DSE: variants seen among roughly 807,000 people sequenced by gnomAD.
The protein encoded by DSE is dermatan-sulfate epimerase.
A neutral mutation model predicts 84.4 loss-of-function variants in DSE; 36 were observed. That is an observed-to-expected ratio of 0.43 (90% CI 0.33 to 0.56). The LOEUF is 0.56. Among genes scored for constraint, DSE ranks in the 20% least tolerant of loss-of-function variants. The pLI, the probability that DSE is intolerant of heterozygous loss-of-function variation, is 0.06. For synonymous variants in DSE, 410 were observed against 430.1 expected (o/e 0.95, Z 0.58); for missense variants, 862 against 1,169.6 (o/e 0.74, Z 3.84).
chr6:116,304,323 T>A (rs2114712850), intron 2 of DSE, among the ~76,000 whole-genome samples: 1 of 151,970 alleles, frequency 6.6e-6, no homozygotes, highest in South Asian at 2.1e-4. Context: ...TCAAATACCT[T>A]TGCATATCTG....
At chr6:116,331,278 G>A (rs1226196233) in intron 2 of DSE, among the ~76,000 whole-genome samples, 1 of 152,082 alleles carries the variant, frequency 6.6e-6, no homozygotes, top group Non-Finnish European at 1.5e-5. Flanking sequence ...ATTTATAAAG[G>A]AAAGAGATTT....
intron 2 of DSE, among the ~76,000 whole-genome samples, chr6:116,263,356 C>A (rs1237115669): frequency 7.4e-6 from 1 of 135,868 alleles, no homozygotes; most frequent in Non-Finnish European, 1.6e-5. Flanking sequence ...TATGTAATGC[C>A]CTTCTTTGTC....
At chr6:116,400,617 G>A (rs1017500585) in intron 2 of DSE, 3 of 152,194 alleles carry the variant, frequency 2.0e-5, no homozygotes, top group Admixed American at 6.5e-5. Flanking sequence ...GTAATGAAAA[G>A]TATTATGCAA....
chr6:116,316,455 A>G (rs762472728), intron 2 of DSE, among the ~76,000 whole-genome samples: 1 of 152,118 alleles, frequency 6.6e-6, no homozygotes, highest in Non-Finnish European at 1.5e-5. Flanking sequence ...TTTCAAGACT[A>G]TACTTCCCTT....
intron 2 of DSE, among the ~76,000 whole-genome samples, chr6:116,407,586 C>T (rs1241728545): frequency 2.6e-5 from 4 of 152,150 alleles, no homozygotes; most frequent in African/African-American, 4.8e-5. Flanking sequence ...CTGTCTTCCA[C>T]TTCTTCTTGT....
intron 2 of DSE, among the ~76,000 whole-genome samples, chr6:116,317,584 G>A (rs549465339): frequency 2.0e-5 from 3 of 152,240 alleles, no homozygotes; most frequent in South Asian, 2.1e-4. Flanking sequence ...AATCTTCTAC[G>A]AAAAGTTTAA....
At chr6:116,368,705 TG>T (rs1779313113), upstream of DSE, among the ~76,000 whole-genome samples, 3 of 152,268 alleles carry the variant, frequency 2.0e-5, no homozygotes, top group Admixed American at 6.5e-5. Flanking sequence ...GTTTGTCACT[TG>T]GGTGAAACCT....
chr6:116,261,156 C>T (rs1772396280), intron 2 of DSE, among the ~76,000 whole-genome samples: 1 of 152,020 alleles, frequency 6.6e-6, no homozygotes, highest in South Asian at 2.1e-4. Context: ...TTTCTTTGAG[C>T]AGTGTTTTGT....
At chr6:116,338,586 A>G (rs1456934369) in intron 2 of DSE, among the ~76,000 whole-genome samples, 2 of 152,154 alleles carry the variant, frequency 1.3e-5, no homozygotes, top group African/African-American at 2.4e-5. Flanking sequence ...AGAGTTCATT[A>G]TAATTCACAG....
chr6:116,412,674 T>A, intron 2 of DSE: 1 of 152,360 alleles, frequency 6.6e-6, no homozygotes, highest in South Asian at 2.1e-4. Context: ...AATTTTATTT[T>A]TGTTTCTAAT....
Position 116,399,633 on chromosome 6 carries a change from A to G in DSE, c.383A>G (p.Asp128Gly). The G allele has an allele frequency of 6.2e-7, 1 of 1,614,176 alleles. No individual in the cohort carries two copies. The highest frequency in any genetic ancestry group is 8.5e-7 in the Non-Finnish European group (1 of 1,180,032). ...ENIEARDMAKDYMERMAAQPS... is the reference protein window; with the variant it reads ...ENIEARDMAKGYMERMAAQPS... ...ATTGAAGCCCGAGACATGGCCAAAG[A>G]CTACATGGAGAGGATGGCAGCGCAG... The change falls in exon 2 of 6, where the codon GAC (aspartate) becomes GGC (glycine). Residue 128 changes from aspartate to glycine, a missense_variant. Around this residue, in one of 4 missense-constraint regions of DSE, gnomAD observed 309 missense variants for 516.9 expected, o/e 0.60. Transcript: ENST00000644252.
intron 2 of DSE, among the ~76,000 whole-genome samples, chr6:116,422,902 C>A (rs75997539): frequency 6.6e-6 from 1 of 152,136 alleles, no homozygotes; most frequent in Non-Finnish European, 1.5e-5. Context: ...TCGGAAGCCC[C>A]TCCCTGGGCC....
intron 2 of DSE, among the ~76,000 whole-genome samples, chr6:116,323,875 CA>C (rs1391400742): frequency 6.6e-6 from 1 of 152,126 alleles, no homozygotes; most frequent in Non-Finnish European, 1.5e-5. Context: ...TTCCCTCTTC[CA>C]TTATCTTCCC....
chr6:116,368,374 G>A (rs1219632662), upstream of DSE, among the ~76,000 whole-genome samples: 1 of 152,162 alleles, frequency 6.6e-6, no homozygotes, highest in Non-Finnish European at 1.5e-5. Flanking sequence ...ATGATGGCAT[G>A]GCATACAGAC....
At chr6:116,293,292 A>T (rs199847142) in intron 2 of DSE, among the ~76,000 whole-genome samples, 4 of 102,720 alleles carry the variant, frequency 3.9e-5, no homozygotes, top group African/African-American at 1.5e-4. Flanking sequence ...TTTTTTTTTG[A>T]CACGGAGTCT....
intron 2 of DSE, among the ~76,000 whole-genome samples, chr6:116,296,133 C>T (rs1774650693): frequency 6.6e-6 from 1 of 152,068 alleles, no homozygotes; most frequent in Non-Finnish European, 1.5e-5. Flanking sequence ...ATACCAAAAT[C>T]CATGGATGCT....
At chr6:116,259,243 T>C (rs752565941) in intron 2 of DSE, 5 of 595,360 alleles carry the variant, frequency 8.4e-6, no homozygotes, top group African/African-American at 3.7e-5. Flanking sequence ...TTAAAATATC[T>C]ATTTTAAAAT....
At chr6:116,432,619 T>G (rs1438749397) in intron 4 of DSE, 1 of 152,036 alleles carries the variant, frequency 6.6e-6, no homozygotes, top group African/African-American at 2.4e-5. Context: ...TTTCTCTCTT[T>G]TTTTTTTTTT....
chr6:116,427,391 G>T (rs935594176), intron 3 of DSE, among the ~76,000 whole-genome samples: 4 of 152,080 alleles, frequency 2.6e-5, no homozygotes, highest in Admixed American at 6.6e-5. Flanking sequence ...TACAACTTCT[G>T]TAGAAATCTA....
Sources: gnomAD v4.1 joint callset for allele counts (sites outside exome capture counted in the v4.1 genomes callset) on GRCh38, gnomAD v4.1.1 for gene constraint, gnomAD v4.1.1 regional missense constraint, MANE v1.5 for transcripts, NCBI Gene and HGNC (gene_info 2026-07-23, HGNC 2026-07-21) for gene names.